The following TTLL8 variants were observed in gnomAD, a reference collection of about 807,000 sequenced individuals.
The protein encoded by TTLL8 is protein monoglycylase TTLL8.
In TTLL8, 65 loss-of-function variants were observed where a neutral mutation model predicts 77.8. The observed-to-expected ratio is 0.84, with a 90% CI of 0.68 to 1.03. The LOEUF (loss-of-function observed/expected upper bound fraction) is 1.03, where lower values mean the gene tolerates loss of function less well. TTLL8 is among the 50% of genes least tolerant of loss of function. TTLL8 has a pLI of 0.00. For synonymous variants in TTLL8, 402 were observed against 422.8 expected (o/e 0.95, Z 0.60); for missense variants, 910 against 1,004.5 (o/e 0.91, Z 1.27).
chr22:50,046,147 C>A (rs1457070789), intron 4 of TTLL8, among the ~76,000 whole-genome samples, 177 bp from the exon 7 acceptor site: 1 of 152,226 alleles, frequency 6.6e-6, no homozygotes, highest in Non-Finnish European at 1.5e-5. Context: ...CCCCAGAACA[C>A]CCCCTCCAGC....
At chr22:50,020,442 C>G (rs1322047114) in intron 12 of TTLL8, among the ~76,000 whole-genome samples, 1 of 151,648 alleles carries the variant, frequency 6.6e-6, no homozygotes, top group Non-Finnish European at 1.5e-5. Flanking sequence ...ACTACTCCAT[C>G]TGACGAAATG....
intron 11 of TTLL8, among the ~76,000 whole-genome samples, 194 bp from the exon 13 acceptor site, chr22:50,031,119 G>C (rs895222494): frequency 1.3e-5 from 2 of 152,154 alleles, no homozygotes; most frequent in African/African-American, 4.8e-5. Flanking sequence ...GGGAACCAAG[G>C]CTTCCTGAGG....
chr22:50,048,852 T>A (rs1385284705), intron 3 of TTLL8, among the ~76,000 whole-genome samples: 2 of 151,914 alleles, frequency 1.3e-5, no homozygotes, highest in African/African-American at 4.8e-5. Flanking sequence ...GCTGGGGAGG[T>A]GGGGAGGCAC....
At chr22:50,036,652 T>C (rs1429637075) in intron 8 of TTLL8, among the ~76,000 whole-genome samples, 1 of 151,676 alleles carries the variant, frequency 6.6e-6, no homozygotes, top group Non-Finnish European at 1.5e-5. Context: ...CAGGCTTGAG[T>C]GCAGTGGCAC....
chr22:50,042,245 T>C (rs1340481794), intron 6 of TTLL8, among the ~76,000 whole-genome samples: 2 of 152,244 alleles, frequency 1.3e-5, no homozygotes, highest in Non-Finnish European at 2.9e-5. Context: ...TGCACACACT[T>C]AATAAAGGAA....
At chr22:50,032,183 C>T (rs375513170) in intron 10 of TTLL8, 74 bp from the exon 12 acceptor site, 19 of 1,275,760 alleles carry the variant, frequency 1.5e-5, no homozygotes, top group Admixed American at 4.6e-5. Flanking sequence ...TCCTCCCAGC[C>T]GTGCTGAGCC....
chr22:50,030,226 C>T (rs1229065998), intron 12 of TTLL8: 1 of 985,304 alleles, frequency 1.0e-6, no homozygotes, highest in Non-Finnish European at 1.2e-6. Flanking sequence ...GCCCCCCACC[C>T]CGAGACCCCC....
intron 2 of TTLL8, 135 bp downstream of exon 4, chr22:50,049,974 G>A (rs895634288): frequency 3.6e-5 from 40 of 1,125,128 alleles, no homozygotes; most frequent in Non-Finnish European, 4.6e-5. Flanking sequence ...GGGTGATGGA[G>A]ACCTGGGGTC....
In TTLL8 at chr22:50,034,840, G is replaced by A. The variant is rs974487525; in HGVS notation, c.922-378C>T. The stretch of plus-strand genomic sequence containing the variant: ...ACGCGGAAACGTGGGAGACACAGGC[G>A]GGGGCAGACGCAGCCATGCCCAGCT... On this transcript the variant is annotated intron_variant, in intron 8 of 13. Transcript: ENST00000266182. This position sits in a 1 kb window ranked among gnomAD's most constrained non-coding sequence, Gnocchi z 4.1. Among the ~76,000 whole-genome samples, 18 of 152,324 alleles carry A rather than the reference G, an allele frequency of 1.2e-4. No homozygotes were observed. The highest frequency in any genetic ancestry group is 3.8e-4 in the African/African-American group (16 of 41,572).
At chr22:50,058,264 G>A (rs2061498186), upstream of TTLL8, among the ~76,000 whole-genome samples, 1 of 150,092 alleles carries the variant, frequency 6.7e-6, no homozygotes, top group Non-Finnish European at 1.5e-5. The surrounding 1 kb of genome is among the most constrained non-coding windows in gnomAD (Gnocchi z 4.2). Flanking sequence ...GCGGCTGCTG[G>A]GCCCGTGGCC....
chr22:50,020,237 C>T (rs2061186475), intron 12 of TTLL8, among the ~76,000 whole-genome samples: 1 of 151,706 alleles, frequency 6.6e-6, no homozygotes, highest in Admixed American at 6.5e-5. Context: ...CTGACATGTA[C>T]TCCTCCATCT....
chr22:50,049,340 G>A lies in TTLL8; in HGVS notation c.191-18C>T, dbSNP rs776746486. 41 of 1,367,256 alleles carry A rather than the reference G, an allele frequency of 3.0e-5. No individual in the cohort carries two copies. The highest frequency in any genetic ancestry group is 4.0e-5 in the Non-Finnish European group (41 of 1,021,828). The allele number at this position is 1,367,256 out of a possible 1,614,324, so 84.7% of individuals were successfully genotyped here. On this transcript the variant is annotated intron_variant, in intron 2 of 13. Coordinates refer to ENST00000266182, the Ensembl canonical transcript of TTLL8. ...TGTATCATCTGCCAACAAAACACAG[G>A]GGAGGCCTGAACATGAAGCCTCAGC...
intron 12 of TTLL8, chr22:50,030,197 A>T (rs2061276337): frequency 1.0e-6 from 1 of 985,018 alleles, no homozygotes. Context: ...CCCACCATCC[A>T]CCTGGCCGGC....
intron 8 of TTLL8, among the ~76,000 whole-genome samples, chr22:50,036,253 C>T (rs2061335781): frequency 6.6e-6 from 1 of 152,236 alleles, no homozygotes; most frequent in Non-Finnish European, 1.5e-5. Flanking sequence ...CCCCTGGACG[C>T]CCACCCTCCT....
intron 1 of TTLL8, among the ~76,000 whole-genome samples, chr22:50,053,213 C>T (rs1234011486): frequency 1.5e-5 from 2 of 134,578 alleles, no homozygotes; most frequent in African/African-American, 5.9e-5. Context: ...CAGAGCGAGA[C>T]TCCATCTCAA....
intron 12 of TTLL8, 98 bp downstream of exon 13, chr22:50,030,332 T>C: frequency 2.6e-6 from 3 of 1,144,578 alleles, no homozygotes; most frequent in Non-Finnish European, 3.3e-6. Context: ...AAGCCTGCCC[T>C]GCGCCCCGCT....
In TTLL8 at chr22:50,034,825, G is replaced by A. The variant is rs1444725338; in HGVS notation, c.922-363C>T. Reference sequence around the variant, plus strand: ...TGGGGAGATGCAGCCACGCGGAAACGTGGGAGACACAGGCGGGGGCAGACG... The same window carrying A: ...TGGGGAGATGCAGCCACGCGGAAACATGGGAGACACAGGCGGGGGCAGACG... On this transcript the variant is annotated intron_variant, in intron 8 of 13. Coordinates refer to ENST00000266182, the Ensembl canonical transcript of TTLL8. This position sits in a 1 kb window ranked among gnomAD's most constrained non-coding sequence, Gnocchi z 4.1. Among the ~76,000 whole-genome samples, 7 of 152,198 alleles carry A rather than the reference G, an allele frequency of 4.6e-5. No homozygotes were observed. The highest frequency in any genetic ancestry group is 1.7e-4 in the African/African-American group (7 of 41,454).
intron 12 of TTLL8, among the ~76,000 whole-genome samples, chr22:50,024,429 A>G (rs1301837263): frequency 2.6e-5 from 4 of 152,132 alleles, no homozygotes; most frequent in Admixed American, 2.6e-4. Context: ...TCGTATTTGA[A>G]AACTTCGAAG....
At chr22:50,019,965 A>C (rs987871340) in intron 12 of TTLL8, among the ~76,000 whole-genome samples, 1 of 152,244 alleles carries the variant, frequency 6.6e-6, no homozygotes, top group Non-Finnish European at 1.5e-5. Flanking sequence ...TACCAGGAAA[A>C]TCCTCACCAA....
Sources: allele counts gnomAD v4.1 joint callset (sites outside exome capture counted in the v4.1 genomes callset), GRCh38; gene constraint gnomAD v4.1.1; non-coding constraint Gnocchi (gnomAD v3.1); transcripts MANE v1.5; gene names NCBI Gene and HGNC (gene_info 2026-07-23, HGNC 2026-07-21).